SQLE: variants seen among roughly 807,000 people sequenced by gnomAD.
The protein encoded by SQLE is squalene epoxidase, also known as squalene monooxygenase.
A neutral mutation model predicts 60.7 loss-of-function variants in SQLE; 29 were observed. That is an observed-to-expected ratio of 0.48 (90% confidence interval 0.36 to 0.65). The LOEUF is 0.65. Ranked by LOEUF, SQLE falls within the 30% of genes least tolerant of loss-of-function variation. The pLI is 0.00. For synonymous variants in SQLE, 237 were observed against 246.8 expected, an observed-to-expected ratio of 0.96 and a Z score of 0.37; for missense variants, 605 against 684.1, an observed-to-expected ratio of 0.88 and a Z score of 1.29.
At chr8:125,013,890 A>G (rs1186666613) in intron 7 of SQLE, among the ~76,000 whole-genome samples, 1 of 152,164 alleles carries the variant, frequency 6.6e-6, no homozygotes, top group African/African-American at 2.4e-5. Context: ...GTTTCTTTCA[A>G]CAATATTTTG....
Position 125,019,859 on chromosome 8 carries a change from G to GA in SQLE, c.1445-917dup, listed in dbSNP as rs1319703069. 2.6e-3 allele frequency among the ~76,000 whole-genome samples: 364 copies of GA among 140,432 alleles called. 1 individual carries two copies. The highest frequency in any genetic ancestry group is 8.2e-3 in the African/African-American group (300 of 36,732). The allele number at this position is 140,432 out of a possible 152,430, so 92.1% of individuals were successfully genotyped here. On this transcript the variant is annotated intron_variant, in intron 9 of 10. Coordinates refer to ENST00000265896, the MANE Select transcript of SQLE (RefSeq NM_003129.4). ...TCTATAACCATTAACTCTTCCTAAG[G>GA]AAAAAAAACAAAACAAAAACCCCAC...
intron 1 of SQLE, among the ~76,000 whole-genome samples, chr8:125,000,824 A>T (rs1188073934): frequency 6.6e-6 from 1 of 152,192 alleles, no homozygotes; most frequent in African/African-American, 2.4e-5. Flanking sequence ...ACAAGAATGG[A>T]AGCAGGGCTA....
chr8:125,006,938 T>G (rs1196329356), intron 3 of SQLE, among the ~76,000 whole-genome samples: 1 of 151,988 alleles, frequency 6.6e-6, no homozygotes, highest in African/African-American at 2.4e-5. Flanking sequence ...CTCCTGACCT[T>G]GTGATCCGCC....
chr8:125,013,274 G>A (rs948742561), intron 7 of SQLE, among the ~76,000 whole-genome samples: 9 of 150,194 alleles, frequency 6.0e-5, no homozygotes, highest in Non-Finnish European at 1.0e-4. Flanking sequence ...TTTTTCTTTC[G>A]TTGCTTGTGC....
intron 10 of SQLE, among the ~76,000 whole-genome samples, chr8:125,021,541 A>AAAAAAG (rs1554588624): frequency 7.2e-6 from 1 of 139,582 alleles, no homozygotes. Flanking sequence ...AAAAAAAAAA[A>AAAAAAG]GGGGGGTGGG....
At position 125,003,280 on chromosome 8, in the gene SQLE, C is replaced by A; in HGVS notation, c.396C>A (p.Gly132=). 6.2e-7 allele frequency: 1 copy of A among 1,613,910 alleles called. No individual in the cohort carries two copies. The highest frequency in any genetic ancestry group is 8.5e-7 in the Non-Finnish European group (1 of 1,179,886). The change falls in exon 2 of 11, where the codon GGC becomes GGA. Residue 132 remains glycine (G), a synonymous_variant. Coordinates refer to ENST00000265896, the MANE Select transcript of SQLE (RefSeq NM_003129.4). Reference sequence around the variant, plus strand: ...CAGAAGTTATCATCGTGGGAGCTGGCGTGCTTGGCTCTGCTTTGGCAGCTG... The same window carrying A: ...CAGAAGTTATCATCGTGGGAGCTGGAGTGCTTGGCTCTGCTTTGGCAGCTG... ...NDPEVIIVGA[G]VLGSALAAVL...
chr8:125,011,664 A>C (rs1472636240), intron 7 of SQLE, 32 bp downstream of exon 7: 3 of 1,499,130 alleles, frequency 2.0e-6, no homozygotes, highest in South Asian at 1.2e-5. Context: ...TTATAAAGGA[A>C]TCAGTATTCC....
chr8:125,007,703 A>G (rs1814976709), intron 4 of SQLE, among the ~76,000 whole-genome samples: 1 of 152,192 alleles, frequency 6.6e-6, no homozygotes, highest in African/African-American at 2.4e-5. Context: ...GAAATTTGAA[A>G]TGATCTAATG....
rs770502372 is a variant in SQLE, at chr8:124,999,697, A to G, written c.291+3A>G. The G allele has an allele frequency of 1.3e-6, 2 of 1,572,634 alleles. No individual in the cohort carries two copies. The highest frequency in any genetic ancestry group is 1.9e-5 in the Admixed American group (1 of 52,740). ...AGGAGCAGCTCGAGGCCAGGAGGGT[A>G]GGTTGATTTCAAAGCGGGCAGATGA... On this transcript the variant is annotated splice_donor_region_variant and intron_variant, in intron 1 of 10. Coordinates refer to ENST00000265896, the MANE Select transcript of SQLE (RefSeq NM_003129.4).
chr8:125,003,380 T>G lies in SQLE; in HGVS notation c.496T>G (p.Phe166Val). The G allele has an allele frequency of 6.2e-7, 1 of 1,613,998 alleles. No homozygotes were observed. The highest frequency in any genetic ancestry group is 8.5e-7 in the Non-Finnish European group (1 of 1,179,886). ...AGAGCCTGACAGAATAGTTGGAGAA[T>G]TCCTGCAGCCGGGTGGTTATCATGT... Reference protein sequence around the residue: ...LKEPDRIVGEFLQPGGYHVLK... With the variant: ...LKEPDRIVGEVLQPGGYHVLK... The change falls in exon 2 of 11, where the codon TTC (phenylalanine) becomes GTC (valine). Residue 166 changes from phenylalanine to valine, a missense_variant. Coordinates refer to ENST00000265896, the MANE Select transcript of SQLE (RefSeq NM_003129.4).
intron 2 of SQLE, among the ~76,000 whole-genome samples, chr8:125,004,578 G>A (rs1056863371): frequency 1.3e-5 from 2 of 151,216 alleles, no homozygotes; most frequent in Non-Finnish European, 2.9e-5. Context: ...TTTTTTTATC[G>A]TTTGAACATT....
In SQLE at chr8:125,013,345, G is replaced by GTTTTCTTTTTCT. The variant is rs201803850; in HGVS notation, c.1204+1718_1204+1729dup. ...TAAGTTCAAAAAGATTTACTCCTAT[G>GTTTTCTTTTTCT]TTTTCTTTTTCTTTTTTTTTTTTTG... is the stretch of plus-strand genomic sequence containing the variant. On this transcript the variant is annotated intron_variant, in intron 7 of 10. Transcript: ENST00000265896. Among the ~76,000 whole-genome samples, 38 of 97,480 alleles carry GTTTTCTTTTTCT rather than the reference G, an allele frequency of 3.9e-4. No individual in the cohort carries two copies. The East Asian group carries it at 5.2e-3, about 13-fold the overall frequency. The allele number at this position is 97,480 out of a possible 152,430, so 64.0% of individuals were successfully genotyped here. A position where few individuals can be genotyped will look rare whatever the true frequency, so the allele number is the denominator to read the frequency against.
At chr8:125,000,039 T>C in intron 1 of SQLE, 1 of 482,114 alleles carries the variant, frequency 2.1e-6, no homozygotes, top group South Asian at 1.5e-5. Context: ...AAGGATTGGA[T>C]TTGTGCCTGA....
intron 7 of SQLE, among the ~76,000 whole-genome samples, chr8:125,014,872 G>A (rs1399649101): frequency 1.2e-4 from 18 of 152,186 alleles, no homozygotes. Context: ...CTGAGGAGAA[G>A]AATGTGTATT....
intron 7 of SQLE, among the ~76,000 whole-genome samples, chr8:125,013,438 G>A (rs553253016): frequency 1.4e-5 from 2 of 147,680 alleles, no homozygotes; most frequent in East Asian, 4.0e-4. Flanking sequence ...TTGCAACCTC[G>A]GCCTCCCAGG....
chr8:125,008,847 C>T (rs2129888240), intron 4 of SQLE, 124 bp from the exon 5 acceptor site: 1 of 593,100 alleles, frequency 1.7e-6, no homozygotes, highest in Non-Finnish European at 2.7e-6. Context: ...GTATTATCTT[C>T]AACTACTCTC....
chr8:125,018,081 A>G lies in SQLE; in HGVS notation c.1227A>G (p.Ala409=), dbSNP rs1167052651. The G allele has an allele frequency of 1.2e-6, 2 of 1,613,772 alleles. No individual in the cohort carries two copies. The highest frequency in any genetic ancestry group is 8.5e-7 in the Non-Finnish European group (1 of 1,179,860). Residue 409 remains alanine (A), a synonymous_variant, in exon 8 of 11, where the codon GCA becomes GCG. Coordinates refer to ENST00000265896, the MANE Select transcript of SQLE (RefSeq NM_003129.4). ...TAGGTGTTCTTCTTTTGGGAGACGC[A>G]TATAATATGAGGCATCCACTTACTG... is the stretch of plus-strand genomic sequence containing the variant. ...KKRGVLLLGD[A]YNMRHPLTGG...
chr8:125,020,005 A>G (rs905164162), intron 9 of SQLE, among the ~76,000 whole-genome samples: 1 of 152,198 alleles, frequency 6.6e-6, no homozygotes, highest in Admixed American at 6.5e-5. Flanking sequence ...AATAAAAAGA[A>G]CTAAGTTTAG....
intron 1 of SQLE, among the ~76,000 whole-genome samples, chr8:125,001,711 C>G (rs945725459): frequency 1.6e-4 from 24 of 151,308 alleles, no homozygotes; most frequent in Admixed American, 1.2e-3. Flanking sequence ...TCCCAGTCCA[C>G]TATAGAGGTA....
Sources: allele counts gnomAD v4.1 joint callset (sites outside exome capture counted in the v4.1 genomes callset), GRCh38; gene constraint gnomAD v4.1.1; transcripts MANE v1.5; gene names NCBI Gene and HGNC (gene_info 2026-07-23, HGNC 2026-07-21).